GRIK3: variants seen among roughly 807,000 people sequenced by gnomAD.
GRIK3 encodes glutamate ionotropic receptor kainate type subunit 3.
Under a neutral mutation model 102.5 loss-of-function variants are expected in GRIK3, and 29 were observed. The observed-to-expected ratio is 0.28, with a 90% CI of 0.21 to 0.39. GRIK3 has a LOEUF of 0.39. Ranked by LOEUF, GRIK3 falls within the 10% of genes least tolerant of loss-of-function variation. GRIK3 has a pLI of 1.00. For synonymous variants in GRIK3, 511 were observed against 504.9 expected, an observed-to-expected ratio of 1.01 and a Z score of -0.16; for missense variants, 908 against 1,252.4, an observed-to-expected ratio of 0.73 and a Z score of 4.15.
intron 9 of GRIK3, among the ~76,000 whole-genome samples, chr1:36,844,613 G>C (rs774672152): frequency 6.6e-6 from 1 of 152,146 alleles, no homozygotes; most frequent in Non-Finnish European, 1.5e-5. Context: ...CAGAATCCTA[G>C]GCAAAATTTA....
intron 15 of GRIK3, among the ~76,000 whole-genome samples, chr1:36,804,035 G>T (rs1557686282): frequency 6.6e-6 from 1 of 152,206 alleles, no homozygotes. Flanking sequence ...AAAAGTACCT[G>T]CATAGACTTC....
chr1:36,892,288 G>A (rs1641126353), intron 1 of GRIK3, among the ~76,000 whole-genome samples: 1 of 152,142 alleles, frequency 6.6e-6, no homozygotes, highest in South Asian at 2.1e-4. Flanking sequence ...CTCCCAAAGT[G>A]CTGGGATTAC....
intron 1 of GRIK3, among the ~76,000 whole-genome samples, chr1:37,003,025 T>G (rs1314579460): frequency 4.0e-5 from 6 of 148,938 alleles, no homozygotes; most frequent in South Asian, 4.2e-4. Flanking sequence ...GCTGTTGTTT[T>G]TTTTTTTTTT....
At chr1:36,860,545 C>G (rs1640710165) in intron 5 of GRIK3, among the ~76,000 whole-genome samples, 1 of 152,202 alleles carries the variant, frequency 6.6e-6, no homozygotes, top group African/African-American at 2.4e-5. Context: ...CCTCCTCATC[C>G]CTTGCCTCCT....
At chr1:36,946,231 C>A (rs3767083) in intron 1 of GRIK3, among the ~76,000 whole-genome samples, 7,908 of 152,328 alleles carry the variant, frequency 0.052, 234 homozygotes, top group South Asian at 0.14. Flanking sequence ...GGGCTGGAGG[C>A]AGGACTGCAC....
At chr1:36,823,688 C>T (rs1045521967) in intron 11 of GRIK3, among the ~76,000 whole-genome samples, 8 of 152,088 alleles carry the variant, frequency 5.3e-5, no homozygotes, top group Non-Finnish European at 1.2e-4. Context: ...ACCAACTCTC[C>T]GCTGCCTATC....
At chr1:36,913,743 G>C (rs1407752308) in intron 1 of GRIK3, among the ~76,000 whole-genome samples, 7 of 152,012 alleles carry the variant, frequency 4.6e-5, no homozygotes, top group Admixed American at 3.9e-4. Flanking sequence ...TCTGGGAGGA[G>C]CTCTCCCAGG....
chr1:36,985,690 A>G (rs1642296732), intron 1 of GRIK3, among the ~76,000 whole-genome samples: 1 of 152,092 alleles, frequency 6.6e-6, no homozygotes, highest in Non-Finnish European at 1.5e-5. Context: ...CTCCTATACA[A>G]CAGTGACTGC....
rs149729303 is a variant in GRIK3 at position 36,917,974 on chromosome 1, C to T, written c.116-26878G>A. ...GTTTATAAGGGGAGGCCAGCAGCTG[C>T]ATTTGCAGAACTGGAGCAAAGTTGC... On this transcript the variant is annotated intron_variant, in intron 1 of 15. Coordinates refer to ENST00000373091, the MANE Select transcript of GRIK3 (RefSeq NM_000831.4). 6.3e-3 allele frequency among the ~76,000 whole-genome samples: 963 copies of T among 152,320 alleles called. 14 individuals carry two copies. Among genetic ancestry groups the T allele is most frequent in the African/African-American group, 0.022 (910 of 41,556 alleles).
chr1:36,992,105 C>G (rs758201000), intron 1 of GRIK3, among the ~76,000 whole-genome samples: 19 of 152,188 alleles, frequency 1.2e-4, no homozygotes, highest in Admixed American at 4.6e-4. Context: ...TCCTTGTGCT[C>G]AAATTTACTC....
intron 8 of GRIK3, among the ~76,000 whole-genome samples, chr1:36,851,996 G>A (rs1481946938): frequency 6.6e-6 from 1 of 152,178 alleles, no homozygotes; most frequent in Non-Finnish European, 1.5e-5. Flanking sequence ...CTACTTGAGT[G>A]AATACTGCAT....
intron 1 of GRIK3, among the ~76,000 whole-genome samples, chr1:37,026,156 G>A (rs868792502): frequency 9.9e-5 from 15 of 152,134 alleles, no homozygotes; most frequent in Admixed American, 1.3e-4. Context: ...CCCATAACCA[G>A]GGTCTTCCCA....
At chr1:36,895,131 T>A (rs1187800544) in intron 1 of GRIK3, among the ~76,000 whole-genome samples, 1 of 152,140 alleles carries the variant, frequency 6.6e-6, no homozygotes, top group Admixed American at 6.6e-5. Flanking sequence ...CATAGCACTA[T>A]AGAATGCTTC....
intron 1 of GRIK3, among the ~76,000 whole-genome samples, chr1:36,911,407 G>A (rs184511453): frequency 1.0e-3 from 156 of 152,236 alleles, no homozygotes; most frequent in African/African-American, 3.0e-3. Context: ...GGTATTTTGA[G>A]GCTTAAATGG....
At chr1:36,824,322 G>A (rs1642729653) in intron 11 of GRIK3, among the ~76,000 whole-genome samples, 1 of 152,216 alleles carries the variant, frequency 6.6e-6, no homozygotes, top group Non-Finnish European at 1.5e-5. Flanking sequence ...TCTGGAGAGT[G>A]GCTCCTGGCT....
chr1:36,908,480 T>A (rs892224272), intron 1 of GRIK3, among the ~76,000 whole-genome samples: 3 of 152,190 alleles, frequency 2.0e-5, no homozygotes, highest in African/African-American at 7.2e-5. Context: ...GCTCCACCCA[T>A]GCAAGAAGGG....
At chr1:37,009,606 A>G (rs919110566) in intron 1 of GRIK3, among the ~76,000 whole-genome samples, 1 of 151,908 alleles carries the variant, frequency 6.6e-6, no homozygotes, top group Non-Finnish European at 1.5e-5. Context: ...GTGTGTGTGT[A>G]TGTGTGTGTG....
At position 36,850,276 on chromosome 1, in the gene GRIK3, G is replaced by C. The variant is rs368708578; in HGVS notation, c.1326+35C>G. On this transcript the variant is annotated intron_variant, in intron 9 of 15. Coordinates refer to ENST00000373091, the MANE Select transcript of GRIK3 (RefSeq NM_000831.4). The surrounding 1 kb of genome is among the most constrained non-coding windows in gnomAD (Gnocchi z 4.0). ...CGAACGGCCACCCCACCCCCAGGTCGGACAGTCCTTCCTGCAGGGGCTGCA... is the reference window on the plus strand; with the variant it reads ...CGAACGGCCACCCCACCCCCAGGTCCGACAGTCCTTCCTGCAGGGGCTGCA... 1 of 1,382,554 alleles carries C rather than the reference G, an allele frequency of 7.2e-7. No individual in the cohort carries two copies. Among genetic ancestry groups the C allele is most frequent in the South Asian group, 1.2e-5 (1 of 86,676 alleles). The allele number at this position is 1,382,554 out of a possible 1,614,324, so 85.6% of individuals were successfully genotyped here.
At chr1:36,894,997 A>G (rs1319888338) in intron 1 of GRIK3, among the ~76,000 whole-genome samples, 1 of 152,176 alleles carries the variant, frequency 6.6e-6, no homozygotes, top group Non-Finnish European at 1.5e-5. Flanking sequence ...GGAAATACTC[A>G]ACTCCAGCCC....
Sources: allele counts gnomAD v4.1 joint callset (sites outside exome capture counted in the v4.1 genomes callset), GRCh38; gene constraint gnomAD v4.1.1; non-coding constraint Gnocchi (gnomAD v3.1); transcripts MANE v1.5; gene names NCBI Gene and HGNC (gene_info 2026-07-23, HGNC 2026-07-21).